MBD5: variants seen among roughly 807,000 people sequenced by gnomAD.
MBD5 encodes methyl-CpG-binding domain protein 5.
A neutral mutation model predicts 117.3 loss-of-function variants in MBD5; 13 were observed. The observed-to-expected ratio is 0.11, with a 90% CI of 0.07 to 0.18. The LOEUF (loss-of-function observed/expected upper bound fraction) is 0.18. Among genes scored for constraint, MBD5 ranks in the 10% least tolerant of loss-of-function variants. MBD5 has a pLI of 1.00. For synonymous variants in MBD5, 727 were observed against 766.4 expected (o/e 0.95, Z 0.85); for missense variants, 1,879 against 2,093.8 (o/e 0.90, Z 2.00).
intron 1 of MBD5, among the ~76,000 whole-genome samples, chr2:148,145,557 C>T (rs975012668): frequency 6.6e-6 from 1 of 152,132 alleles, no homozygotes; most frequent in African/African-American, 2.4e-5. Context: ...CCAGTTTTTG[C>T]CCATTCAGTA....
At chr2:148,488,923 A>T (rs567072536) in intron 10 of MBD5, among the ~76,000 whole-genome samples, 1 of 152,256 alleles carries the variant, frequency 6.6e-6, no homozygotes, top group South Asian at 2.1e-4. Context: ...TTTTTTTAAA[A>T]TTTTATATTG....
At position 148,420,738 on chromosome 2, in the gene MBD5, T is replaced by C. The variant is rs142170808; in HGVS notation, c.-556-37465T>C. On this transcript the variant is annotated intron_variant, in intron 4 of 13. Coordinates refer to ENST00000642680, the MANE Select transcript of MBD5 (RefSeq NM_001378120.1). ...TGTTTTGTTTTGTTTTGTTTTGTTT[T>C]GTTTTGTGACAAGGTCTCACTCTGT... 5.7e-3 allele frequency among the ~76,000 whole-genome samples: 865 copies of C among 151,618 alleles called. 3 individuals are homozygous for C. The highest frequency in any genetic ancestry group is 7.9e-3 in the Non-Finnish European group (540 of 67,980).
intron 3 of MBD5, among the ~76,000 whole-genome samples, chr2:148,247,815 G>A (rs1700373570): frequency 6.6e-6 from 1 of 152,018 alleles, no homozygotes; most frequent in African/African-American, 2.4e-5. Context: ...AAGAAATAAT[G>A]TAAAGGATAA....
intron 8 of MBD5, among the ~76,000 whole-genome samples, chr2:148,474,208 C>G (rs191857580): frequency 6.6e-6 from 1 of 152,258 alleles, no homozygotes; most frequent in Non-Finnish European, 1.5e-5. Flanking sequence ...AAATCAAGTG[C>G]CCTTGCCTGG....
At chr2:148,459,859 T>C (rs1707013662) in intron 5 of MBD5, among the ~76,000 whole-genome samples, 1 of 152,160 alleles carries the variant, frequency 6.6e-6, no homozygotes, top group South Asian at 2.1e-4. Flanking sequence ...TTTCTGGAGG[T>C]AAATCTAATT....
intron 1 of MBD5, among the ~76,000 whole-genome samples, chr2:148,042,052 A>G (rs1361988649): frequency 1.3e-5 from 2 of 152,188 alleles, no homozygotes; most frequent in Non-Finnish European, 2.9e-5. Flanking sequence ...TTTACTATTT[A>G]CTTTTAATTG....
intron 3 of MBD5, among the ~76,000 whole-genome samples, chr2:148,254,766 T>C (rs1700544007): frequency 6.6e-6 from 1 of 152,188 alleles, no homozygotes; most frequent in Non-Finnish European, 1.5e-5. Context: ...CAGGCTGCGA[T>C]GGGTATCCAT....
intron 4 of MBD5, among the ~76,000 whole-genome samples, chr2:148,369,312 C>A: frequency 6.6e-6 from 1 of 151,170 alleles, no homozygotes; most frequent in Non-Finnish European, 1.5e-5. Context: ...TTTTTTCAAT[C>A]TATAAAATCC....
At chr2:148,211,207 C>T (rs528562226) in intron 2 of MBD5, among the ~76,000 whole-genome samples, 1 of 152,190 alleles carries the variant, frequency 6.6e-6, no homozygotes, top group South Asian at 2.1e-4. Context: ...GTGAATTATC[C>T]TTTACATGTT....
intron 3 of MBD5, among the ~76,000 whole-genome samples, chr2:148,271,364 T>C (rs1001290753): frequency 1.3e-5 from 2 of 152,204 alleles, no homozygotes; most frequent in African/African-American, 4.8e-5. Flanking sequence ...TAGGTACATC[T>C]GTTATATTGG....
chr2:148,398,717 A>C (rs1704817790), intron 4 of MBD5, among the ~76,000 whole-genome samples: 1 of 152,322 alleles, frequency 6.6e-6, no homozygotes, highest in Non-Finnish European at 1.5e-5. Flanking sequence ...TTAGACAGGA[A>C]GTCCTTGCCC....
At chr2:148,152,298 T>G (rs1026317546) in intron 1 of MBD5, among the ~76,000 whole-genome samples, 3 of 152,220 alleles carry the variant, frequency 2.0e-5, no homozygotes, top group African/African-American at 4.8e-5. Context: ...CACTGTGGTC[T>G]GAGAGATAGT....
intron 3 of MBD5, among the ~76,000 whole-genome samples, chr2:148,320,609 G>A (rs770125540): frequency 6.6e-6 from 1 of 152,024 alleles, no homozygotes; most frequent in African/African-American, 2.4e-5. Flanking sequence ...ACCTGCCTTG[G>A]CCTCCCAAAG....
intron 4 of MBD5, among the ~76,000 whole-genome samples, chr2:148,440,765 A>G (rs895512595): frequency 6.6e-6 from 1 of 152,224 alleles, no homozygotes; most frequent in African/African-American, 2.4e-5. Flanking sequence ...CATGTAACAC[A>G]TGTAGGATGA....
intron 1 of MBD5, among the ~76,000 whole-genome samples, chr2:148,102,737 GAGAGAGAGAGAGAGAGAGAGAGAGGA>G (rs1696260977): frequency 3.7e-5 from 2 of 54,620 alleles, no homozygotes; most frequent in Non-Finnish European, 5.1e-5. Context: ...CACAGAGAGA[GAGAGAGAGAGAGAGAGAGAGAGAGGA>G]AGAGAGAGAG....
At chr2:148,145,728 C>G (rs1402178953) in intron 1 of MBD5, among the ~76,000 whole-genome samples, 1 of 152,076 alleles carries the variant, frequency 6.6e-6, no homozygotes, top group African/African-American at 2.4e-5. Context: ...TGTCTTTGGT[C>G]TGCTTATGTG....
At chr2:148,444,258 C>G (rs1490356326) in intron 4 of MBD5, among the ~76,000 whole-genome samples, 1 of 151,380 alleles carries the variant, frequency 6.6e-6, no homozygotes, top group African/African-American at 2.5e-5. Context: ...AAGGCTAATA[C>G]TTTCTCGCCC....
intron 3 of MBD5, among the ~76,000 whole-genome samples, chr2:148,265,518 C>T (rs79855528): frequency 0.13 from 19,258 of 147,948 alleles, 1,473 homozygotes; most frequent in Non-Finnish European, 0.18. Context: ...TTACAGTTTT[C>T]TGTCATAAAC....
chr2:148,266,574 C>T (rs542963223), intron 3 of MBD5, among the ~76,000 whole-genome samples: 69 of 151,968 alleles, frequency 4.5e-4, no homozygotes, highest in African/African-American at 1.6e-3. Flanking sequence ...GATTGACTAG[C>T]AAGACAGAAC....
Sources: gnomAD v4.1 joint callset for allele counts (sites outside exome capture counted in the v4.1 genomes callset) on GRCh38, gnomAD v4.1.1 for gene constraint, MANE v1.5 for transcripts, NCBI Gene and HGNC (gene_info 2026-07-23, HGNC 2026-07-21) for gene names.